The following SWAP70 variants were observed in gnomAD, a reference collection of about 807,000 sequenced individuals.
SWAP70 encodes switch-associated protein 70.
SWAP70 carries 34 observed loss-of-function variants against 80.2 expected under a neutral mutation model. The ratio of observed to expected loss-of-function variants is 0.42; its 90% CI spans 0.32 to 0.56. The LOEUF is 0.56. SWAP70 is among the 20% of genes least tolerant of loss of function. The pLI, the probability that SWAP70 is intolerant of heterozygous loss-of-function variation, is 0.09. For synonymous variants in SWAP70, 239 were observed against 238.5 expected (o/e 1.00, Z -0.02); for missense variants, 578 against 690.7 (o/e 0.84, Z 1.83).
intron 1 of SWAP70, among the ~76,000 whole-genome samples, chr11:9,685,633 C>T (rs1373343452): frequency 6.6e-6 from 1 of 152,014 alleles, no homozygotes; most frequent in Non-Finnish European, 1.5e-5. Flanking sequence ...AAAGGCCTCA[C>T]CTCTTTTTTT....
chr11:9,720,538 C>T lies in SWAP70; in HGVS notation c.415-4120C>T, dbSNP rs776759116. The stretch of plus-strand genomic sequence containing the variant: ...TGACTTGTGCCAGGACATGGTCATT[C>T]GGCTCTACCATCTTGTCTCACCCAC... On this transcript the variant is annotated intron_variant, in intron 3 of 11. Transcript: ENST00000318950. The T allele has an allele frequency of 2.7e-5, 26 of 952,332 alleles. No individual in the cohort carries two copies. In the Middle Eastern group the frequency reaches 1.6e-3, roughly 58 times the overall value. The allele number at this position is 952,332 out of a possible 1,614,324, so 59.0% of individuals were successfully genotyped here.
intron 1 of SWAP70, among the ~76,000 whole-genome samples, chr11:9,684,358 G>T (rs867144906): frequency 6.6e-6 from 1 of 152,156 alleles, no homozygotes; most frequent in African/African-American, 2.4e-5. Flanking sequence ...GAGATTATGG[G>T]CATGAGCCAC....
At chr11:9,741,070 A>G (rs1851431716) in intron 9 of SWAP70, 1 of 152,758 alleles carries the variant, frequency 6.5e-6, no homozygotes, top group Non-Finnish European at 1.5e-5. Context: ...AGTATTCACT[A>G]CAGTAGCAGC....
At chr11:9,688,764 G>T (rs574496543) in intron 1 of SWAP70, among the ~76,000 whole-genome samples, 1 of 152,168 alleles carries the variant, frequency 6.6e-6, no homozygotes, top group East Asian at 1.9e-4. Context: ...TTTGAGGCTG[G>T]TTAGATTAAA....
intron 1 of SWAP70, 21 bp downstream of exon 1, chr11:9,664,299 C>T (rs747485822): frequency 9.7e-6 from 15 of 1,546,986 alleles, no homozygotes; most frequent in African/African-American, 2.7e-5. Context: ...CCTGACCCGG[C>T]CCCCCACCCG....
intron 2 of SWAP70, among the ~76,000 whole-genome samples, chr11:9,704,478 T>C (rs1323985995): frequency 6.6e-6 from 1 of 152,082 alleles, no homozygotes; most frequent in Admixed American, 6.6e-5. Context: ...CACTGCAACC[T>C]CCACCTCCCG....
Position 9,713,545 on chromosome 11 carries a change from C to T in SWAP70, c.320C>T (p.Pro107Leu), listed in dbSNP as rs1203122209. ...GTCAAAAAAAACCTCACAAAGAATCCCCTGCTCATTACAGAAGAAGATGCA... is the reference window on the plus strand; with the variant it reads ...GTCAAAAAAAACCTCACAAAGAATCTCCTGCTCATTACAGAAGAAGATGCA... The part of the protein sequence containing the change: ...LCVKKNLTKN[P>L]LLITEEDAFK... The change falls in exon 3 of 12, where the codon CCC becomes CTC. Residue 107 changes from proline (P) to leucine (L), a missense_variant. Pro to Leu is a moderately conservative substitution (Grantham distance 98). Coordinates refer to ENST00000318950, the MANE Select transcript of SWAP70 (RefSeq NM_015055.4). 6.2e-7 allele frequency: 1 copy of T among 1,613,718 alleles called. No homozygotes were observed. The highest frequency in any genetic ancestry group is 1.7e-5 in the Admixed American group (1 of 59,974).
At chr11:9,744,868 C>T (rs893263879) in intron 9 of SWAP70, among the ~76,000 whole-genome samples, 5 of 152,034 alleles carry the variant, frequency 3.3e-5, no homozygotes, top group African/African-American at 1.2e-4. Flanking sequence ...CACTGTACTC[C>T]AGCCTGTCTC....
At chr11:9,706,351 A>G (rs1223680134) in intron 2 of SWAP70, among the ~76,000 whole-genome samples, 3 of 148,296 alleles carry the variant, frequency 2.0e-5, no homozygotes, top group Non-Finnish European at 2.9e-5. Flanking sequence ...GGTGATCTGT[A>G]TACACTGGTG....
At chr11:9,701,570 C>T (rs1282461805) in intron 2 of SWAP70, among the ~76,000 whole-genome samples, 1 of 151,280 alleles carries the variant, frequency 6.6e-6, no homozygotes, top group East Asian at 2.0e-4. Context: ...ATCACCTGAG[C>T]CCAGGAGTTC....
At chr11:9,716,345 A>G (rs544391063) in intron 3 of SWAP70, among the ~76,000 whole-genome samples, 1 of 152,340 alleles carries the variant, frequency 6.6e-6, no homozygotes, top group South Asian at 2.1e-4. Context: ...AGGACCAAGC[A>G]TATAGTGCCT....
chr11:9,724,982 T>C, intron 4 of SWAP70, 97 bp downstream of exon 4: 1 of 900,890 alleles, frequency 1.1e-6, no homozygotes, highest in Non-Finnish European at 1.7e-6. Context: ...TCACTTATTT[T>C]CTTACACTGA....
chr11:9,748,440 C>T (rs1241219493), intron 10 of SWAP70, among the ~76,000 whole-genome samples: 1 of 152,172 alleles, frequency 6.6e-6, no homozygotes, highest in Non-Finnish European at 1.5e-5. Flanking sequence ...GCCCCTTAAC[C>T]CCAGTGTTGT....
chr11:9,718,986 G>T (rs76756713), intron 3 of SWAP70, among the ~76,000 whole-genome samples: 4,810 of 150,048 alleles, frequency 0.032, 324 homozygotes, highest in East Asian at 0.28. Context: ...TGAAGTCTCA[G>T]CTACTCGGGA....
chr11:9,684,123 C>A (rs762922505), intron 1 of SWAP70, among the ~76,000 whole-genome samples: 11 of 151,704 alleles, frequency 7.3e-5, no homozygotes, highest in Non-Finnish European at 1.3e-4. Flanking sequence ...ACACTGTCAC[C>A]CAGGCTGGAG....
chr11:9,747,897 A>G lies in SWAP70; in HGVS notation c.1395A>G (p.Glu465=), dbSNP rs764095040. 38 of 1,614,214 alleles carry G rather than the reference A, an allele frequency of 2.4e-5. No homozygotes were observed. The South Asian group carries it at 3.6e-4, about 15-fold the overall frequency. The part of the protein sequence containing the change: ...EEESSKRAEL[E]KWHLEQQQAI... The stretch of plus-strand genomic sequence containing the variant: ...AGTCTTCCAAGAGGGCTGAACTAGA[A>G]AAGTGGCACTTGGAGCAGCAGCAGG... The change falls in exon 10 of 12, where the codon GAA becomes GAG. Residue 465 remains glutamate, a synonymous_variant. Transcript: ENST00000318950.
intron 10 of SWAP70, 139 bp from the exon 11 acceptor site, chr11:9,748,948 G>T: frequency 2.3e-6 from 1 of 431,542 alleles, no homozygotes. Flanking sequence ...TGGGGTAATA[G>T]TAGTTCCCAC....
Position 9,724,566 on chromosome 11 carries a change from A to G in SWAP70, c.415-92A>G, listed in dbSNP as rs143750679. ...TTTGGAACTGTAAAGAGTATTTCCT[A>G]AGTTGAACTTATCAGTGTTTATAAC... On this transcript the variant is annotated intron_variant, in intron 3 of 11. Transcript: ENST00000318950. 1.6e-5 allele frequency: 15 copies of G among 924,270 alleles called. No individual in the cohort carries two copies. The Admixed American group carries it at 3.4e-4, about 21-fold the overall frequency. 57.3% of individuals were successfully genotyped at this position (924,270 alleles called of 1,614,324 possible). A position where few individuals can be genotyped will look rare whatever the true frequency, so the allele number is the denominator to read the frequency against.
chr11:9,683,233 A>G (rs375768028), intron 1 of SWAP70, among the ~76,000 whole-genome samples: 13 of 152,010 alleles, frequency 8.6e-5, no homozygotes, highest in Admixed American at 7.9e-4. Context: ...ACCTGTTTCT[A>G]CAAAAAATAG....
Sources: allele counts gnomAD v4.1 joint callset (sites outside exome capture counted in the v4.1 genomes callset), GRCh38; gene constraint gnomAD v4.1.1; transcripts MANE v1.5; gene names NCBI Gene and HGNC (gene_info 2026-07-23, HGNC 2026-07-21).